HIVEP3: variants seen among roughly 807,000 people sequenced by gnomAD.
HIVEP3 encodes transcription factor HIVEP3.
HIVEP3 carries 49 observed loss-of-function variants against 152.8 expected under a neutral mutation model. That is an observed-to-expected ratio of 0.32 (90% confidence interval 0.26 to 0.41). The LOEUF is 0.41. HIVEP3 is among the 10% of genes least tolerant of loss of function. The pLI is 1.00. For missense variants in HIVEP3, 2,790 were observed against 3,103.3 expected, an observed-to-expected ratio of 0.90 and a Z score of 2.40; for synonymous variants, 1,269 against 1,289.0, an observed-to-expected ratio of 0.98 and a Z score of 0.33.
intron 2 of HIVEP3, among the ~76,000 whole-genome samples, chr1:41,635,424 G>T (rs1645253585): frequency 6.6e-6 from 1 of 150,938 alleles, no homozygotes; most frequent in Non-Finnish European, 1.5e-5. Flanking sequence ...TAATCTAGAA[G>T]AAATGAATAA....
At chr1:41,804,799 A>G in intron 1 of HIVEP3, among the ~76,000 whole-genome samples, 1 of 152,208 alleles carries the variant, frequency 6.6e-6, no homozygotes, top group Non-Finnish European at 1.5e-5. Context: ...AGTGGATTAG[A>G]GGAGTTACTC....
At chr1:41,782,537 G>A (rs1649106174) in intron 1 of HIVEP3, among the ~76,000 whole-genome samples, 1 of 152,072 alleles carries the variant, frequency 6.6e-6, no homozygotes, top group Non-Finnish European at 1.5e-5. Context: ...TTCAAGACAA[G>A]CCTGGCCAAC....
At chr1:41,739,517 G>A (rs540845232) in intron 1 of HIVEP3, among the ~76,000 whole-genome samples, 1 of 152,274 alleles carries the variant, frequency 6.6e-6, no homozygotes, top group African/African-American at 2.4e-5. Context: ...CGAGACTCAG[G>A]GAGGGTGAGT....
At chr1:41,899,111 C>G (rs1644579350) in intron 1 of HIVEP3, among the ~76,000 whole-genome samples, 1 of 152,194 alleles carries the variant, frequency 6.6e-6, no homozygotes, top group Non-Finnish European at 1.5e-5. Context: ...CCACTATATC[C>G]TGAATTATAT....
chr1:41,693,836 T>C (rs1432326338), intron 2 of HIVEP3, among the ~76,000 whole-genome samples: 5 of 152,150 alleles, frequency 3.3e-5, no homozygotes, highest in African/African-American at 1.2e-4. Context: ...GCCAGTTGTA[T>C]TCCCTCTCCT....
intron 1 of HIVEP3, among the ~76,000 whole-genome samples, chr1:41,798,455 T>G (rs1189674677): frequency 6.6e-6 from 1 of 152,236 alleles, no homozygotes; most frequent in Non-Finnish European, 1.5e-5. Context: ...GTATTCATAC[T>G]GAAGTGAACA....
chr1:41,688,022 T>C (rs1042432479), intron 2 of HIVEP3, among the ~76,000 whole-genome samples: 1 of 152,170 alleles, frequency 6.6e-6, no homozygotes, highest in Non-Finnish European at 1.5e-5. Flanking sequence ...TGAGTGCAGA[T>C]GGAGGAACGA....
intron 1 of HIVEP3, among the ~76,000 whole-genome samples, chr1:41,824,786 G>T (rs366364): frequency 0.019 from 271 of 14,562 alleles, no homozygotes; most frequent in African/African-American, 0.03. Context: ...TATATATATA[G>T]AGAGAGAGAG....
In HIVEP3 at chr1:41,818,711, GA is replaced by G. The variant is rs369741817; in HGVS notation, c.-801+99701del. On this transcript the variant is annotated intron_variant, in intron 1 of 8. Coordinates refer to ENST00000372583, the MANE Select transcript of HIVEP3 (RefSeq NM_024503.5). ...ATATTATTATTCCCGTCTATAGGAG[GA>G]AATAGGTATTCACATTTAGCACACT... Among the ~76,000 whole-genome samples the G allele has an allele frequency of 5.3e-5, 8 of 152,262 alleles. No individual in the cohort carries two copies. In the East Asian group the frequency reaches 1.5e-3, roughly 29 times the overall value.
chr1:42,024,474 T>C (rs188357231), intron 1 of HIVEP3, among the ~76,000 whole-genome samples: 1 of 152,242 alleles, frequency 6.6e-6, no homozygotes, highest in African/African-American at 2.4e-5. Context: ...GCATACATTG[T>C]TAATTTATCA....
chr1:42,027,858 T>C (rs994486780), intron 1 of HIVEP3, among the ~76,000 whole-genome samples: 7 of 152,096 alleles, frequency 4.6e-5, no homozygotes, highest in African/African-American at 1.7e-4. Flanking sequence ...ATCACGAGAA[T>C]AGCACAGGAA....
chr1:41,976,254 A>G (rs184874572), intron 1 of HIVEP3, among the ~76,000 whole-genome samples: 3 of 152,250 alleles, frequency 2.0e-5, no homozygotes, highest in Admixed American at 2.0e-4. Flanking sequence ...TCATTCATTA[A>G]TTCCTTTCAC....
chr1:41,932,813 T>G (rs1645002123), intron 1 of HIVEP3, among the ~76,000 whole-genome samples: 2 of 151,886 alleles, frequency 1.3e-5, no homozygotes, highest in African/African-American at 4.8e-5. Context: ...AGCATTTAAC[T>G]CTATAAATTT....
At chr1:41,635,497 CATATAT>C (rs1186486630) in intron 2 of HIVEP3, among the ~76,000 whole-genome samples, 1 of 116,618 alleles carries the variant, frequency 8.6e-6, no homozygotes, top group African/African-American at 3.1e-5. Flanking sequence ...TATACACACA[CATATAT>C]ACATATATAG....
chr1:41,670,613 G>T (rs1033489634), intron 2 of HIVEP3, among the ~76,000 whole-genome samples: 9 of 152,192 alleles, frequency 5.9e-5, no homozygotes, highest in Admixed American at 5.2e-4. Flanking sequence ...ATATTAGCAG[G>T]AGGTATGGAC....
At chr1:41,523,329 G>A (rs1438601267) in intron 6 of HIVEP3, among the ~76,000 whole-genome samples, 1 of 152,156 alleles carries the variant, frequency 6.6e-6, no homozygotes, top group Non-Finnish European at 1.5e-5. Flanking sequence ...TGCCCTCTCT[G>A]GGCAACCTTT....
chr1:41,704,075 T>C (rs566440396), intron 1 of HIVEP3, among the ~76,000 whole-genome samples: 2 of 152,342 alleles, frequency 1.3e-5, no homozygotes, highest in South Asian at 4.1e-4. Context: ...TACTCACACC[T>C]ACCTTGAAGG....
chr1:41,684,153 G>C (rs1199676037), intron 2 of HIVEP3, among the ~76,000 whole-genome samples: 5 of 152,192 alleles, frequency 3.3e-5, no homozygotes, highest in African/African-American at 1.2e-4. Context: ...GTGGGGACAG[G>C]GGTGCGGGAG....
At chr1:41,709,345 G>A (rs1269283680) in intron 1 of HIVEP3, among the ~76,000 whole-genome samples, 1 of 152,224 alleles carries the variant, frequency 6.6e-6, no homozygotes, top group Non-Finnish European at 1.5e-5. Context: ...ACCTGGGAAT[G>A]GGCACCCCAG....
Sources: gnomAD v4.1 joint callset for allele counts (sites outside exome capture counted in the v4.1 genomes callset) on GRCh38, gnomAD v4.1.1 for gene constraint, MANE v1.5 for transcripts, NCBI Gene and HGNC (gene_info 2026-07-23, HGNC 2026-07-21) for gene names.